SEMA6A: variants seen among roughly 807,000 people sequenced by gnomAD.
The protein encoded by SEMA6A is semaphorin 6A.
SEMA6A carries 25 observed loss-of-function variants against 96.8 expected under a neutral mutation model. That is an observed-to-expected ratio of 0.26 (90% CI 0.19 to 0.36). The LOEUF is 0.36. SEMA6A is among the 10% of genes least tolerant of loss of function. The probability of loss-of-function intolerance (pLI) is 1.00; values close to 1 mark genes in which losing one functional copy is unlikely to be tolerated. For synonymous variants in SEMA6A, 612 were observed against 518.0 expected, an observed-to-expected ratio of 1.18 and a Z score of -2.46; for missense variants, 1,363 against 1,323.1, an observed-to-expected ratio of 1.03 and a Z score of -0.47.
chr5:116,491,774 A>T lies in SEMA6A; in HGVS notation c.501T>A (p.Tyr167Ter). 6.2e-7 allele frequency: 1 copy of T among 1,613,884 alleles called. No homozygotes were observed. Among genetic ancestry groups the T allele is most frequent in the Non-Finnish European group, 8.5e-7 (1 of 1,179,790 alleles). The change falls in exon 7 of 19, where the codon TAT becomes TAA. Residue 167 changes from tyrosine (Y) to a stop codon, truncating the protein, a stop_gained. Transcript: ENST00000343348. LOFTEE classifies it high-confidence loss of function. ...DEFSGMARCP[Y>*]DAKHANVALF... is the part of the protein sequence containing the mutation. ...GTGCAACGTTGGCATGTTTGGCATC[A>T]TATGGGCATCTGGCCATTCCGCTGA...
chr5:116,471,239 C>G (rs962857075), intron 17 of SEMA6A: 1 of 152,126 alleles, frequency 6.6e-6, no homozygotes, highest in Non-Finnish European at 1.5e-5. Flanking sequence ...AAAGTGTTAA[C>G]ACGGAAGCAT....
intron 1 of SEMA6A, among the ~76,000 whole-genome samples, chr5:116,552,948 T>C (rs1760475086): frequency 6.6e-6 from 1 of 152,200 alleles, no homozygotes; most frequent in Non-Finnish European, 1.5e-5. Context: ...AAGCATCTTC[T>C]AGCAAGACAA....
intron 18 of SEMA6A, among the ~76,000 whole-genome samples, chr5:116,467,263 A>C (rs1483564976): frequency 6.6e-6 from 1 of 152,138 alleles, no homozygotes; most frequent in African/African-American, 2.4e-5. Flanking sequence ...GACGGTCCAA[A>C]AATCACAGAA....
intron 1 of SEMA6A, among the ~76,000 whole-genome samples, chr5:116,556,766 T>G (rs1760626022): frequency 6.6e-6 from 1 of 152,228 alleles, no homozygotes; most frequent in Non-Finnish European, 1.5e-5. Context: ...CTTCCTGATC[T>G]GAGTTTCAGA....
Position 116,446,292 on chromosome 5 carries a change from G to T in SEMA6A, c.*321C>A. The T allele has an allele frequency of 4.1e-6, 1 of 244,568 alleles. No homozygotes were observed. The allele number at this position is 244,568 out of a possible 1,614,324, so 15.1% of individuals were successfully genotyped here. A position where few individuals can be genotyped will look rare whatever the true frequency, so the allele number is the denominator to read the frequency against. ...TGTGTGTGTGTGTGTGTGTGGGGGTGGGGGATGGGGTAGGTATGTGCTTTT... is the reference window on the plus strand; with the variant it reads ...TGTGTGTGTGTGTGTGTGTGGGGGTTGGGGATGGGGTAGGTATGTGCTTTT... On this transcript the variant is annotated 3_prime_UTR_variant, in exon 19 of 19. Transcript: ENST00000343348.
intron 1 of SEMA6A, among the ~76,000 whole-genome samples, chr5:116,564,707 C>G (rs1760957843): frequency 6.9e-6 from 1 of 144,832 alleles, no homozygotes; most frequent in Non-Finnish European, 1.5e-5. Context: ...AGTCACAAAC[C>G]TAAAAAAAAA....
intron 18 of SEMA6A, among the ~76,000 whole-genome samples, chr5:116,456,007 T>C (rs1355732572): frequency 6.6e-6 from 1 of 152,234 alleles, no homozygotes; most frequent in Non-Finnish European, 1.5e-5. Context: ...AAGGACAGTA[T>C]TTCTAGAATG....
At chr5:116,498,925 C>A (rs986080249) in intron 3 of SEMA6A, 1 of 152,166 alleles carries the variant, frequency 6.6e-6, no homozygotes, top group East Asian at 1.9e-4. Context: ...AGAAAGCTCT[C>A]AGATTGCCCC....
intron 1 of SEMA6A, among the ~76,000 whole-genome samples, chr5:116,542,220 G>T (rs1760003553): frequency 6.6e-6 from 1 of 152,154 alleles, no homozygotes. Flanking sequence ...ACCAAATCAT[G>T]TGTCAGTCTG....
At chr5:116,553,647 C>T (rs938522615) in intron 1 of SEMA6A, among the ~76,000 whole-genome samples, 2 of 152,082 alleles carry the variant, frequency 1.3e-5, no homozygotes, top group African/African-American at 4.8e-5. Context: ...TCAATAGTAC[C>T]CGGCCTTGGT....
intron 1 of SEMA6A, among the ~76,000 whole-genome samples, chr5:116,552,143 G>C (rs958846042): frequency 1.3e-5 from 2 of 152,192 alleles, no homozygotes; most frequent in Admixed American, 6.5e-5. Flanking sequence ...CTATAGGCTT[G>C]TTCTTGCTCT....
At position 116,538,377 on chromosome 5, in the gene SEMA6A, AT is replaced by A. The variant is rs374259743; in HGVS notation, c.-38-33396del. Among the ~76,000 whole-genome samples the A allele has an allele frequency of 4.1e-3, 628 of 152,074 alleles. 4 individuals carry two copies. Among genetic ancestry groups the A allele is most frequent in the African/African-American group, 0.015 (614 of 41,472 alleles). On this transcript the variant is annotated intron_variant, in intron 1 of 18. Coordinates refer to ENST00000343348, the MANE Select transcript of SEMA6A (RefSeq NM_020796.5). ...TTTATTGCTGAATATTTAATTTCAT[AT>A]TTTTTTTATGAGCAGTGGGTGTCCT...
At chr5:116,546,671 C>T (rs1274266726) in intron 1 of SEMA6A, among the ~76,000 whole-genome samples, 2 of 152,182 alleles carry the variant, frequency 1.3e-5, no homozygotes, top group African/African-American at 4.8e-5. Flanking sequence ...TAGGTAATCA[C>T]TGGGAGTTCT....
intron 3 of SEMA6A, among the ~76,000 whole-genome samples, chr5:116,501,289 A>G (rs1474474920): frequency 6.6e-6 from 1 of 152,184 alleles, no homozygotes; most frequent in Non-Finnish European, 1.5e-5. Flanking sequence ...AATTATAACA[A>G]AAGCCTAAAT....
At chr5:116,556,348 C>T (rs747213383) in intron 1 of SEMA6A, among the ~76,000 whole-genome samples, 8 of 152,184 alleles carry the variant, frequency 5.3e-5, no homozygotes, top group Non-Finnish European at 7.4e-5. Flanking sequence ...ATCTCCTCAT[C>T]ATCTTTTTAG....
intron 16 of SEMA6A, among the ~76,000 whole-genome samples, chr5:116,474,041 A>T (rs1259295555): frequency 6.6e-6 from 1 of 152,196 alleles, no homozygotes; most frequent in African/African-American, 2.4e-5. Flanking sequence ...TGCTACATAC[A>T]GAGGCTTCCT....
intron 15 of SEMA6A, among the ~76,000 whole-genome samples, chr5:116,476,237 T>C (rs1756440450): frequency 6.6e-6 from 1 of 152,198 alleles, no homozygotes; most frequent in Non-Finnish European, 1.5e-5. Flanking sequence ...CATTGGGCTG[T>C]ACAAGCAACA....
chr5:116,491,688 C>T, intron 7 of SEMA6A, 52 bp downstream of exon 7: 8 of 1,355,550 alleles, frequency 5.9e-6, no homozygotes, highest in Non-Finnish European at 7.4e-6. Flanking sequence ...TTCACAGTGA[C>T]AGGATGAAAC....
intron 12 of SEMA6A, among the ~76,000 whole-genome samples, chr5:116,479,593 G>C (rs1051219568): frequency 6.6e-6 from 1 of 152,196 alleles, no homozygotes; most frequent in Admixed American, 6.6e-5. Flanking sequence ...TAAATACAAG[G>C]AAGAGTTTTT....
Sources: gnomAD v4.1 joint callset for allele counts (sites outside exome capture counted in the v4.1 genomes callset) on GRCh38, gnomAD v4.1.1 for gene constraint, MANE v1.5 for transcripts, NCBI Gene and HGNC (gene_info 2026-07-23, HGNC 2026-07-21) for gene names.